Variants in IL7 observed in about 807,000 individuals in gnomAD.
IL7 encodes interleukin 7.
IL7 carries 3 observed loss-of-function variants against 21.6 expected under a neutral mutation model. The ratio of observed to expected loss-of-function variants is 0.14; its 90% CI spans 0.06 to 0.36. IL7 has a LOEUF of 0.36. Ranked by LOEUF, IL7 falls within the 10% of genes least tolerant of loss-of-function variation. The probability of loss-of-function intolerance (pLI) is 1.00; values close to 1 mark genes in which losing one functional copy is unlikely to be tolerated. For synonymous variants in IL7, 62 were observed against 68.1 expected (o/e 0.91, Z 0.44); for missense variants, 175 against 200.2 (o/e 0.87, Z 0.76).
intron 3 of IL7, among the ~76,000 whole-genome samples, chr8:78,694,382 T>G (rs1460040815): frequency 6.6e-6 from 1 of 152,164 alleles, no homozygotes; most frequent in Non-Finnish European, 1.5e-5. Flanking sequence ...TATTCATGAT[T>G]ATCATTCATG....
At chr8:78,705,169 T>C (rs1026707727) in intron 3 of IL7, among the ~76,000 whole-genome samples, 1 of 152,252 alleles carries the variant, frequency 6.6e-6, no homozygotes, top group Non-Finnish European at 1.5e-5. Context: ...GGAGAGGTGA[T>C]GCGGTCACTT....
chr8:78,709,630 C>T (rs1004714669), intron 3 of IL7, among the ~76,000 whole-genome samples: 4 of 151,144 alleles, frequency 2.6e-5, no homozygotes, highest in African/African-American at 9.7e-5. Flanking sequence ...GGGGGGTGTT[C>T]AATCTTTTGG....
intron 2 of IL7, among the ~76,000 whole-genome samples, chr8:78,768,001 A>G (rs1812814096): frequency 6.6e-6 from 1 of 151,326 alleles, no homozygotes; most frequent in Admixed American, 6.6e-5. Flanking sequence ...ATTCCCACCT[A>G]TGAGTGAGAA....
In IL7 at chr8:78,689,130, A is replaced by G. The variant is rs928769144; in HGVS notation, n.215-3183T>C. The G allele has an allele frequency of 8.3e-6, 8 of 965,502 alleles. No individual in the cohort carries two copies. In the African/African-American group the frequency reaches 1.4e-4, roughly 16 times the overall value. 59.8% of individuals were successfully genotyped at this position (965,502 alleles called of 1,614,324 possible). A position where few individuals can be genotyped will look rare whatever the true frequency, so the allele number is the denominator to read the frequency against. ...TTGCTTATCAGATGTTATTACTTAT[A>G]TTTTTTGAATGACTGCATAGAAACT... On this transcript the variant is annotated intron_variant and non_coding_transcript_variant, in intron 3 of 4. Coordinates refer to the IL7 transcript ENST00000523959.
At chr8:78,720,583 G>T (rs1037373232) in intron 5 of IL7, among the ~76,000 whole-genome samples, 6 of 151,720 alleles carry the variant, frequency 4.0e-5, no homozygotes, top group African/African-American at 1.5e-4. Flanking sequence ...ATATACATAT[G>T]ATTTTTTGAC....
chr8:78,688,310 G>T (rs1382498170), intron 3 of IL7, among the ~76,000 whole-genome samples: 1 of 151,976 alleles, frequency 6.6e-6, no homozygotes, highest in African/African-American at 2.4e-5. Context: ...CTTCAGGATC[G>T]TTTGGGCTTT....
intron 2 of IL7, among the ~76,000 whole-genome samples, chr8:78,745,591 G>A (rs1586063338): frequency 6.6e-6 from 1 of 152,050 alleles, no homozygotes; most frequent in East Asian, 1.9e-4. Flanking sequence ...CCTATTTTGT[G>A]TTAATTCATT....
intron 5 of IL7, 62 bp downstream of exon 5, chr8:78,736,412 T>C: frequency 1.0e-6 from 1 of 959,220 alleles, no homozygotes. Flanking sequence ...AAATGAAAAA[T>C]TAGGAATTAA....
chr8:78,760,044 C>T, intron 2 of IL7: 3 of 1,159,870 alleles, frequency 2.6e-6, no homozygotes, highest in Non-Finnish European at 3.5e-6. Flanking sequence ...CAATGGAGTC[C>T]TATAGGCAAA....
chr8:78,770,622 T>C, intron 2 of IL7, among the ~76,000 whole-genome samples: 1 of 152,094 alleles, frequency 6.6e-6, no homozygotes, highest in East Asian at 1.9e-4. Flanking sequence ...GCTCTGTCTA[T>C]GGTATCAATC....
At chr8:78,713,891 G>A (rs2130610739), downstream of IL7, among the ~76,000 whole-genome samples, 2 of 152,190 alleles carry the variant, frequency 1.3e-5, no homozygotes. Context: ...ATTAAATAAG[G>A]CATGTGTAGT....
intron 3 of IL7, chr8:78,712,099 A>T (rs952536954): frequency 1.8e-4 from 231 of 1,283,440 alleles, no homozygotes; most frequent in Non-Finnish European, 2.3e-4. Flanking sequence ...GTTATTACCT[A>T]TTTACAAGTA....
chr8:78,781,180 T>A (rs1813314753), intron 2 of IL7, among the ~76,000 whole-genome samples: 1 of 152,214 alleles, frequency 6.6e-6, no homozygotes, highest in South Asian at 2.1e-4. Flanking sequence ...AGCTTGCCAC[T>A]CTGTGCCTTT....
chr8:78,779,978 T>A (rs1326030290), intron 2 of IL7, among the ~76,000 whole-genome samples: 1 of 152,176 alleles, frequency 6.6e-6, no homozygotes, highest in Non-Finnish European at 1.5e-5. Context: ...TATATATCTG[T>A]CCAGGAATTT....
chr8:78,764,717 G>T (rs1812696755), intron 2 of IL7, among the ~76,000 whole-genome samples: 1 of 151,970 alleles, frequency 6.6e-6, no homozygotes, highest in Non-Finnish European at 1.5e-5. Context: ...CCAGGTCATG[G>T]GTAGAAAGAC....
chr8:78,802,746 A>G (rs1814118641), intron 1 of IL7, among the ~76,000 whole-genome samples: 2 of 152,126 alleles, frequency 1.3e-5, no homozygotes, highest in African/African-American at 4.8e-5. Flanking sequence ...AAATTCCTGT[A>G]CATAATATAG....
intron 2 of IL7, among the ~76,000 whole-genome samples, chr8:78,770,360 T>C (rs1433945650): frequency 2.2e-5 from 3 of 134,676 alleles, no homozygotes; most frequent in African/African-American, 1.0e-4. Flanking sequence ...GAGCTAAACA[T>C]TGGTAAAAAA....
chr8:78,676,426 G>A (rs1191561450), intron 4 of IL7, among the ~76,000 whole-genome samples: 2 of 151,880 alleles, frequency 1.3e-5, no homozygotes, highest in Non-Finnish European at 1.5e-5. Flanking sequence ...TACTTAGTAA[G>A]TACAAATAAA....
chr8:78,773,632 AATGCCCACATAAGGAATTAGTC>A, intron 2 of IL7, among the ~76,000 whole-genome samples: 1 of 152,160 alleles, frequency 6.6e-6, no homozygotes, highest in Admixed American at 6.6e-5. Context: ...TTCCTTCTCC[AATGCCCACATAAGGAATTAGTC>A]CTGCAATAGC....
Sources: allele counts gnomAD v4.1 joint callset (sites outside exome capture counted in the v4.1 genomes callset), GRCh38; gene constraint gnomAD v4.1.1; transcripts MANE v1.5; gene names NCBI Gene and HGNC (gene_info 2026-07-23, HGNC 2026-07-21).